The following CUX1 variants were observed in gnomAD, a reference collection of about 807,000 sequenced individuals.
The protein encoded by CUX1 is protein CASP.
In CUX1, 31 loss-of-function variants were observed where a neutral mutation model predicts 158.8. The observed-to-expected ratio is 0.20, with a 90% CI of 0.15 to 0.26. CUX1 has a LOEUF of 0.26. Ranked by LOEUF, CUX1 falls within the 10% of genes least tolerant of loss-of-function variation. CUX1 has a pLI of 1.00. For synonymous variants in CUX1, 879 were observed against 862.1 expected, an observed-to-expected ratio of 1.02 and a Z score of -0.34; for missense variants, 1,589 against 2,014.6, an observed-to-expected ratio of 0.79 and a Z score of 4.04.
chr7:102,125,214 G>T (rs1366433868), intron 8 of CUX1, among the ~76,000 whole-genome samples: 18 of 152,174 alleles, frequency 1.2e-4, no homozygotes, highest in African/African-American at 4.1e-4. Flanking sequence ...GTGGGTCAGG[G>T]TTACCGCAGA....
chr7:101,823,453 G>T (rs932160823), intron 1 of CUX1, among the ~76,000 whole-genome samples: 1 of 152,148 alleles, frequency 6.6e-6, no homozygotes, highest in African/African-American at 2.4e-5. Context: ...TAAAGCACAC[G>T]ACCCCCCAGA....
At chr7:101,859,104 A>G (rs1379433330) in intron 1 of CUX1, among the ~76,000 whole-genome samples, 1 of 152,202 alleles carries the variant, frequency 6.6e-6, no homozygotes, top group African/African-American at 2.4e-5. Flanking sequence ...GCTCGACTTC[A>G]GGCTATAGTT....
chr7:102,200,115 G>A lies in CUX1; in HGVS notation c.2005G>A (p.Glu669Lys), dbSNP rs1554519236. 7 of 1,613,540 alleles carry A rather than the reference G, an allele frequency of 4.3e-6. No individual in the cohort carries two copies. The highest frequency in any genetic ancestry group is 1.1e-5 in the South Asian group (1 of 90,992). ...RIRASETGSD[E>K]AIKSILEQAK... ...CCGAGCCTCGGAGACTGGCTCTGAT[G>A]AAGCCATCAAGTCCATCCTAGAGCA... The change falls in exon 17 of 24, where the codon GAA (glutamate) becomes AAA (lysine). Residue 669 changes from glutamate (E) to lysine (K), a missense_variant. Around this residue, in one of 8 missense-constraint regions of CUX1, gnomAD observed 337 missense variants for 409.3 expected, o/e 0.82. Coordinates refer to ENST00000292535, the MANE Select transcript of CUX1 (RefSeq NM_181552.4).
intron 1 of CUX1, among the ~76,000 whole-genome samples, chr7:101,834,121 G>A (rs1794361618): frequency 7.1e-6 from 1 of 140,170 alleles, no homozygotes; most frequent in East Asian, 2.2e-4. Flanking sequence ...CTAGTGTTCT[G>A]TTTCAGAGAG....
At chr7:102,204,620 C>T (rs782191151) in intron 19 of CUX1, 64 bp downstream of exon 19, 3 of 1,580,808 alleles carry the variant, frequency 1.9e-6, no homozygotes, top group Non-Finnish European at 2.6e-6. Context: ...GTCACAGCAG[C>T]CCCACCTGGG....
At chr7:102,063,238 A>G (rs1484904592) in intron 3 of CUX1, among the ~76,000 whole-genome samples, 4 of 152,292 alleles carry the variant, frequency 2.6e-5, no homozygotes, top group South Asian at 2.1e-4. Flanking sequence ...GCAGGAAGAC[A>G]GCTGGAGAGC....
intron 20 of CUX1, among the ~76,000 whole-genome samples, chr7:102,219,026 C>A (rs140836742): frequency 9.0e-4 from 133 of 147,000 alleles, no homozygotes; most frequent in African/African-American, 3.2e-3. Flanking sequence ...ACACTCCAAC[C>A]TGGACAACAG....
chr7:102,014,733 C>T (rs1396578363), intron 2 of CUX1, among the ~76,000 whole-genome samples: 2 of 151,952 alleles, frequency 1.3e-5, no homozygotes, highest in African/African-American at 4.8e-5. Flanking sequence ...TCCCAAGTTG[C>T]CCCCTAAGTT....
At chr7:102,246,132 G>A (rs2132582544) in intron 23 of CUX1, among the ~76,000 whole-genome samples, 1 of 152,076 alleles carries the variant, frequency 6.6e-6, no homozygotes, top group East Asian at 1.9e-4. Context: ...TCTGGTTTTG[G>A]GTCGGGCTGG....
intron 11 of CUX1, among the ~76,000 whole-genome samples, chr7:102,180,936 ATTTTATTTTATTTTATTTTATT>A (rs1282217932): frequency 6.5e-5 from 9 of 137,782 alleles, no homozygotes; most frequent in African/African-American, 2.9e-4. Flanking sequence ...ATTTTATTTT[ATTTTATTTTATTTTATTTTATT>A]TGAGACGGAA....
intron 3 of CUX1, among the ~76,000 whole-genome samples, chr7:102,035,679 A>G (rs924256457): frequency 6.8e-6 from 1 of 146,812 alleles, no homozygotes; most frequent in Non-Finnish European, 1.5e-5. Flanking sequence ...AACTATAGCT[A>G]GAAATGAATG....
In CUX1 at chr7:102,249,933, A is replaced by G; in HGVS notation, c.*891A>G. 7 of 985,810 alleles carry G rather than the reference A, an allele frequency of 7.1e-6. No homozygotes were observed. Among genetic ancestry groups the G allele is most frequent in the Non-Finnish European group, 8.4e-6 (7 of 829,906 alleles). 61.1% of individuals were successfully genotyped at this position (985,810 alleles called of 1,614,324 possible). On this transcript the variant is annotated 3_prime_UTR_variant, in exon 24 of 24. Transcript: ENST00000292535. ...GGTAGCTGACATAGTGTTTTCTTGTACGTGAATAGAATCCTGACATGTAGT... is the reference window on the plus strand; with the variant it reads ...GGTAGCTGACATAGTGTTTTCTTGTGCGTGAATAGAATCCTGACATGTAGT...
At chr7:102,104,178 G>A (rs1012980443) in intron 5 of CUX1, among the ~76,000 whole-genome samples, 158 bp from the exon 6 acceptor site, 1 of 152,016 alleles carries the variant, frequency 6.6e-6, no homozygotes, top group Non-Finnish European at 1.5e-5. Flanking sequence ...GGGAGTAAAA[G>A]GTCTCTGAAG....
chr7:102,175,144 C>T (rs1210095395), intron 10 of CUX1, among the ~76,000 whole-genome samples: 3 of 152,224 alleles, frequency 2.0e-5, no homozygotes, highest in African/African-American at 4.8e-5. Flanking sequence ...CTCTTGTGGC[C>T]ATGCCCAGCC....
At chr7:102,200,546 G>A (rs968696812) in intron 17 of CUX1, among the ~76,000 whole-genome samples, 2 of 151,932 alleles carry the variant, frequency 1.3e-5, no homozygotes, top group Admixed American at 1.3e-4. Context: ...TTACCATGTC[G>A]GCCAGGCTGG....
intron 1 of CUX1, among the ~76,000 whole-genome samples, chr7:101,868,325 C>G (rs1798135133): frequency 6.6e-6 from 1 of 152,174 alleles, no homozygotes; most frequent in South Asian, 2.1e-4. Flanking sequence ...GTGGAGCTGG[C>G]TTTTGTCCTT....
chr7:102,239,609 C>G, intron 23 of CUX1, 25 bp downstream of exon 23: 1 of 1,599,836 alleles, frequency 6.3e-7, no homozygotes, highest in Non-Finnish European at 8.5e-7. Flanking sequence ...TCACAGGGAG[C>G]GCCGGTCGGC....
intron 11 of CUX1, among the ~76,000 whole-genome samples, chr7:102,179,743 G>C (rs563514319): frequency 6.6e-6 from 1 of 152,220 alleles, no homozygotes; most frequent in African/African-American, 2.4e-5. Flanking sequence ...GGAGACTCTC[G>C]GAGTTGTCTG....
intron 3 of CUX1, among the ~76,000 whole-genome samples, chr7:102,031,181 C>T (rs1820746817): frequency 6.6e-6 from 1 of 152,184 alleles, no homozygotes. Context: ...GCCTCAGCCT[C>T]CCAAGTAGCT....
Sources: gnomAD v4.1 joint callset for allele counts (sites outside exome capture counted in the v4.1 genomes callset) on GRCh38, gnomAD v4.1.1 for gene constraint, gnomAD v4.1.1 regional missense constraint, MANE v1.5 for transcripts, NCBI Gene and HGNC (gene_info 2026-07-23, HGNC 2026-07-21) for gene names.